RBP5: variants seen among roughly 807,000 people sequenced by gnomAD.
RBP5 encodes the protein retinol-binding protein 5.
RBP5 carries 12 observed loss-of-function variants against 17.8 expected under a neutral mutation model. That is an observed-to-expected ratio of 0.67 (90% confidence interval 0.43 to 1.09). The LOEUF is 1.09. Ranked by LOEUF, RBP5 falls within the 50% of genes least tolerant of loss-of-function variation. The pLI is 0.00. For missense variants in RBP5, 172 were observed against 169.4 expected, an observed-to-expected ratio of 1.02 and a Z score of -0.09; for synonymous variants, 64 against 68.1, an observed-to-expected ratio of 0.94 and a Z score of 0.30.
upstream of RBP5, chr12:7,129,625 G>A (rs778383935): frequency 4.1e-6 from 4 of 985,486 alleles, no homozygotes; most frequent in East Asian, 3.4e-4. This position sits in a 1 kb window ranked among gnomAD's most constrained non-coding sequence, Gnocchi z 5.5. Flanking sequence ...GACAGCCCAT[G>A]CTTTCCAGAT....
At chr12:7,125,066 C>T (rs537115349) in intron 2 of RBP5, among the ~76,000 whole-genome samples, 8 of 152,194 alleles carry the variant, frequency 5.3e-5, no homozygotes, top group Non-Finnish European at 1.0e-4. Flanking sequence ...ACCAACATAC[C>T]GGGTTAATTT....
intron 3 of RBP5, chr12:7,118,553 A>G (rs1939035098): frequency 6.6e-6 from 1 of 152,222 alleles, no homozygotes; most frequent in Admixed American, 6.5e-5. Context: ...GTTCTATAGA[A>G]CAGAGGATGG....
In RBP5 at chr12:7,128,855, G is replaced by A. The variant is rs778029947; in HGVS notation, c.-80C>T. 2.7e-4 allele frequency: 299 copies of A among 1,127,942 alleles called. No homozygotes were observed. Among genetic ancestry groups the A allele is most frequent in the Non-Finnish European group, 3.5e-4 (270 of 760,884 alleles). The allele number at this position is 1,127,942 out of a possible 1,614,324, so 69.9% of individuals were successfully genotyped here. On this transcript the variant is annotated 5_prime_UTR_variant, in exon 1 of 4. Transcript: ENST00000266560. The surrounding 1 kb of genome is among the most constrained non-coding windows in gnomAD (Gnocchi z 5.3). ...TGTTGTCTGGCAGGTGAGGCTGAGA[G>A]ATTCCAGCCAGCTCCACACACAGAG...
At chr12:7,118,091 T>C (rs1939027988) in intron 3 of RBP5, 1 of 152,170 alleles carries the variant, frequency 6.6e-6, no homozygotes, top group Admixed American at 6.6e-5. Flanking sequence ...AAACCCTCAT[T>C]CAAGAGGCCC....
chr12:7,124,255 C>G lies in RBP5; in HGVS notation c.355-81G>C. On this transcript the variant is annotated intron_variant, in intron 3 of 3. Transcript: ENST00000266560. This position sits in a 1 kb window ranked among gnomAD's most constrained non-coding sequence, Gnocchi z 5.3. ...GCCCCTTTCTCAAGGTCCTTGACCT[C>G]CATTTACTCCTTCCGGATACAGCAG... 1.6e-6 allele frequency: 2 copies of G among 1,223,194 alleles called. No homozygotes were observed. Among genetic ancestry groups the G allele is most frequent in the African/African-American group, 1.5e-5 (1 of 67,284 alleles). 75.8% of individuals were successfully genotyped at this position (1,223,194 alleles called of 1,614,324 possible). A position where few individuals can be genotyped will look rare whatever the true frequency, so the allele number is the denominator to read the frequency against.
chr12:7,125,391 T>C (rs1939144407), intron 2 of RBP5, among the ~76,000 whole-genome samples: 1 of 152,114 alleles, frequency 6.6e-6, no homozygotes, highest in African/African-American at 2.4e-5. Flanking sequence ...GAGAGATTGG[T>C]TGGGAATCCT....
chr12:7,115,933 C>G (rs1591605422), exon 4 of RBP5: 2 of 152,152 alleles, frequency 1.3e-5, no homozygotes, highest in Admixed American at 1.3e-4. Context: ...AGAATTCCAT[C>G]GGGAGACAGC....
chr12:7,128,311 A>T lies in RBP5; in HGVS notation c.181T>A (p.Tyr61Asn). The change falls in exon 2 of 4, where the codon TAC becomes AAC. Residue 61 changes from tyrosine to asparagine, a missense_variant. Coordinates refer to ENST00000266560, the MANE Select transcript of RBP5 (RefSeq NM_031491.4). This position sits in a 1 kb window ranked among gnomAD's most constrained non-coding sequence, Gnocchi z 5.3. ...ACTCCCACATCAAACTGCACAGTGT[A>T]GTTTCGGAAGGTGCTGAGCGTCCTC... Reference protein sequence around the residue: ...TVRTLSTFRNYTVQFDVGVEF... With the variant: ...TVRTLSTFRNNTVQFDVGVEF... The T allele has an allele frequency of 4.3e-6, 7 of 1,614,226 alleles. No homozygotes were observed. In the South Asian group the frequency reaches 7.7e-5, roughly 18 times the overall value.
At chr12:7,120,323 T>A (rs942540150), downstream of RBP5, among the ~76,000 whole-genome samples, 3 of 152,038 alleles carry the variant, frequency 2.0e-5, no homozygotes, top group Non-Finnish European at 2.9e-5. Context: ...AGCAATGCCG[T>A]CCTGTTGGCT....
At position 7,124,148 on chromosome 12, in the gene RBP5, G is replaced by A. The variant is rs769674289; in HGVS notation, c.381C>T (p.Cys127=). The change falls in exon 4 of 4, where the codon TGC becomes TGT. Residue 127 remains cysteine (C), a synonymous_variant. Coordinates refer to ENST00000266560, the MANE Select transcript of RBP5 (RefSeq NM_031491.4). The surrounding 1 kb of genome is among the most constrained non-coding windows in gnomAD (Gnocchi z 5.3). ...YLELTARDAV[C]EQVFRKVR Reference sequence around the variant, plus strand: ...ATCTGACCTTCCTGAAGACCTGCTCGCACACTGCATCCCTTGCAGTCAGTT... The same window carrying A: ...ATCTGACCTTCCTGAAGACCTGCTCACACACTGCATCCCTTGCAGTCAGTT... 10 of 1,614,058 alleles carry A rather than the reference G, an allele frequency of 6.2e-6. No homozygotes were observed. Among genetic ancestry groups the A allele is most frequent in the East Asian group, 2.2e-5 (1 of 44,876 alleles).
intron 2 of RBP5, chr12:7,127,823 A>C (rs2135785762): frequency 1.5e-6 from 1 of 670,968 alleles, no homozygotes; most frequent in East Asian, 2.7e-5. Flanking sequence ...ACTCCAGTTT[A>C]AAGGATTAAT....
rs140108023 is a variant in RBP5 at position 7,128,278 on chromosome 12, C to G, written c.214G>C (p.Glu72Gln). ...CCGTCCACGCTCCTGAGGTCCTCCTCAAACTCCACTCCCACATCAAACTGC... is the reference window on the plus strand; with the variant it reads ...CCGTCCACGCTCCTGAGGTCCTCCTGAAACTCCACTCCCACATCAAACTGC... ...TVQFDVGVEFEEDLRSVDGRK... is the reference protein window; with the variant it reads ...TVQFDVGVEFQEDLRSVDGRK... Residue 72 changes from glutamate to glutamine, a missense_variant, in exon 2 of 4, where the codon GAG becomes CAG. By Grantham distance (29) the Glu-to-Gln change is conservative. Transcript: ENST00000266560. The surrounding 1 kb of genome is among the most constrained non-coding windows in gnomAD (Gnocchi z 5.3). 5.0e-6 allele frequency: 8 copies of G among 1,614,168 alleles called. No homozygotes were observed. The East Asian group carries it at 1.8e-4, about 36-fold the overall frequency.
At chr12:7,125,220 G>C (rs1484189087) in intron 2 of RBP5, among the ~76,000 whole-genome samples, 1 of 152,124 alleles carries the variant, frequency 6.6e-6, no homozygotes, top group Non-Finnish European at 1.5e-5. Flanking sequence ...CACTCCTAAA[G>C]GTCACCGAGG....
In RBP5 at chr12:7,124,143, T is replaced by C; in HGVS notation, c.386A>G (p.Gln129Arg). 1 of 1,614,106 alleles carries C rather than the reference T, an allele frequency of 6.2e-7. No individual in the cohort carries two copies. The highest frequency in any genetic ancestry group is 8.5e-7 in the Non-Finnish European group (1 of 1,180,010). ...ELTARDAVCE[Q>R]VFRKVR ...CGGCTATCTGACCTTCCTGAAGACC[T>C]GCTCGCACACTGCATCCCTTGCAGT... The change falls in exon 4 of 4, where the codon CAG becomes CGG. Residue 129 changes from glutamine (Q) to arginine (R), a missense_variant. Gln to Arg is a conservative substitution (Grantham distance 43). Coordinates refer to ENST00000266560, the MANE Select transcript of RBP5 (RefSeq NM_031491.4). The surrounding 1 kb of genome is among the most constrained non-coding windows in gnomAD (Gnocchi z 5.3).
chr12:7,123,851 G>A lies in RBP5; in HGVS notation c.*270C>T, dbSNP rs1427630144. ...AGAGCGGAGATTGGTTGTTCTCAGG[G>A]GCTCCTTCCCTTTGCCTGCTTCTTT... On this transcript the variant is annotated 3_prime_UTR_variant, in exon 4 of 4. Transcript: ENST00000266560. The A allele has an allele frequency of 6.6e-6, 3 of 455,274 alleles. No individual in the cohort carries two copies. Among genetic ancestry groups the A allele is most frequent in the Admixed American group, 6.9e-5 (2 of 29,026 alleles). 28.2% of individuals were successfully genotyped at this position (455,274 alleles called of 1,614,324 possible). A position where few individuals can be genotyped will look rare whatever the true frequency, so the allele number is the denominator to read the frequency against.
At chr12:7,129,715 G>A (rs1939241903), upstream of RBP5, 14 of 985,362 alleles carry the variant, frequency 1.4e-5, no homozygotes, top group South Asian at 2.3e-4. This position sits in a 1 kb window ranked among gnomAD's most constrained non-coding sequence, Gnocchi z 5.5. Context: ...TCTCGAACCT[G>A]CCATCGTCCC....
In RBP5 at chr12:7,124,619, C is replaced by A; in HGVS notation, c.354+10G>T. On this transcript the variant is annotated intron_variant, in intron 3 of 3. Transcript: ENST00000266560. The surrounding 1 kb of genome is among the most constrained non-coding windows in gnomAD (Gnocchi z 5.3). ...CCTTCTCCCAGACACCCAGCCCCCA[C>A]CCCATTTACCAGATACAGCATCTCT... 6.7e-7 allele frequency: 1 copy of A among 1,495,308 alleles called. No individual in the cohort carries two copies. Among genetic ancestry groups the A allele is most frequent in the Non-Finnish European group, 9.3e-7 (1 of 1,072,414 alleles). The allele number at this position is 1,495,308 out of a possible 1,614,324, so 92.6% of individuals were successfully genotyped here. A position where few individuals can be genotyped will look rare whatever the true frequency, so the allele number is the denominator to read the frequency against.
intron 2 of RBP5, among the ~76,000 whole-genome samples, chr12:7,126,409 G>A (rs1939160267): frequency 1.3e-5 from 2 of 152,080 alleles, no homozygotes; most frequent in African/African-American, 4.8e-5. Flanking sequence ...TATATTTCAA[G>A]TATTCAACGG....
At chr12:7,126,510 GGTGT>G (rs780320410) in intron 2 of RBP5, among the ~76,000 whole-genome samples, 4,233 of 130,412 alleles carry the variant, frequency 0.032, 105 homozygotes, top group Non-Finnish European at 0.043. Context: ...TGGTGGTGGT[GGTGT>G]GTGTGTGTGT....
Sources: allele counts gnomAD v4.1 joint callset (sites outside exome capture counted in the v4.1 genomes callset), GRCh38; gene constraint gnomAD v4.1.1; non-coding constraint Gnocchi (gnomAD v3.1); transcripts MANE v1.5; gene names NCBI Gene and HGNC (gene_info 2026-07-23, HGNC 2026-07-21).